USH2A: variants seen among roughly 807,000 people sequenced by gnomAD.
The protein encoded by USH2A is Usher syndrome 2A (autosomal recessive, mild).
USH2A carries 443 observed loss-of-function variants against 538.9 expected under a neutral mutation model. That is an observed-to-expected ratio of 0.82 (90% CI 0.76 to 0.89). USH2A has a LOEUF of 0.89. USH2A is among the 40% of genes least tolerant of loss of function. The probability of loss-of-function intolerance (pLI) is 0.00; values close to 1 mark genes in which losing one functional copy is unlikely to be tolerated. For synonymous variants in USH2A, 2,413 were observed against 2,273.5 expected, an observed-to-expected ratio of 1.06 and a Z score of -1.75; for missense variants, 6,633 against 6,324.8, an observed-to-expected ratio of 1.05 and a Z score of -1.65.
chr1:216,208,965 T>G (rs1572052691), intron 15 of USH2A, among the ~76,000 whole-genome samples: 1 of 152,162 alleles, frequency 6.6e-6, no homozygotes, highest in Non-Finnish European at 1.5e-5. Flanking sequence ...TTTACCCAAA[T>G]TTAAGACCCC....
chr1:215,906,788 G>A (rs11120695), intron 38 of USH2A, among the ~76,000 whole-genome samples: 1 of 151,914 alleles, frequency 6.6e-6, no homozygotes, highest in African/African-American at 2.4e-5. Context: ...GTAAAATGGA[G>A]AAGTCTTCAT....
At chr1:216,325,959 TGA>T (rs1409093235) in intron 5 of USH2A, among the ~76,000 whole-genome samples, 1 of 152,190 alleles carries the variant, frequency 6.6e-6, no homozygotes, top group Admixed American at 6.5e-5. Context: ...AACTAACTAC[TGA>T]GAGTGAACAA....
At chr1:216,406,058 G>A (rs979614757) in intron 3 of USH2A, among the ~76,000 whole-genome samples, 3 of 152,180 alleles carry the variant, frequency 2.0e-5, no homozygotes, top group African/African-American at 4.8e-5. Flanking sequence ...GGGAGACAGT[G>A]GGCATGGTTA....
At chr1:216,103,062 T>G (rs12092672) in intron 21 of USH2A, among the ~76,000 whole-genome samples, 28,111 of 152,170 alleles carry the variant, frequency 0.18, 3,004 homozygotes, top group African/African-American at 0.27. Context: ...TAAGAGATAC[T>G]AAGTACACAG....
At chr1:215,854,318 T>C (rs1664099120) in intron 44 of USH2A, among the ~76,000 whole-genome samples, 1 of 152,152 alleles carries the variant, frequency 6.6e-6, no homozygotes, top group South Asian at 2.1e-4. Flanking sequence ...TATCTCCCAC[T>C]GGGTCCCTCC....
intron 20 of USH2A, among the ~76,000 whole-genome samples, chr1:216,185,752 T>C (rs568379798): frequency 5.3e-4 from 80 of 152,092 alleles, no homozygotes; most frequent in African/African-American, 1.8e-3. Context: ...CTGGCTTTAT[T>C]ATAGGTCTGC....
chr1:215,798,936 TCTC>T lies in USH2A; in HGVS notation c.9926_9928del (p.Gly3309del), dbSNP rs1167671390. 6.2e-7 allele frequency: 1 copy of T among 1,614,022 alleles called. No homozygotes were observed. Among genetic ancestry groups the T allele is most frequent in the East Asian group, 2.2e-5 (1 of 44,860 alleles). ...AAGGCGATTGTACACCACTCCTTCT[TCTC>T]CACCACAACACTCTAAATCGTTGCT... On this transcript the variant is annotated inframe_deletion, in exon 50 of 72. Coordinates refer to ENST00000307340, the MANE Select transcript of USH2A (RefSeq NM_206933.4).
intron 38 of USH2A, among the ~76,000 whole-genome samples, chr1:215,925,701 G>A (rs564913398): frequency 1.3e-4 from 20 of 152,036 alleles, no homozygotes; most frequent in South Asian, 4.2e-4. Flanking sequence ...GCTAACCTAC[G>A]TTTATTTTTA....
intron 67 of USH2A, among the ~76,000 whole-genome samples, chr1:215,645,585 G>A (rs1376320860): frequency 4.6e-5 from 7 of 152,166 alleles, no homozygotes; most frequent in Non-Finnish European, 1.0e-4. Flanking sequence ...GAACAAACAA[G>A]TCCTCTGTAA....
chr1:216,264,350 T>A (rs1313829369), intron 11 of USH2A, among the ~76,000 whole-genome samples: 1 of 151,424 alleles, frequency 6.6e-6, no homozygotes, highest in African/African-American at 2.4e-5. Flanking sequence ...CAGGCTGGAG[T>A]GCAATGGCAC....
intron 3 of USH2A, among the ~76,000 whole-genome samples, chr1:216,396,058 T>A (rs1156916785): frequency 6.6e-6 from 1 of 152,182 alleles, no homozygotes; most frequent in Non-Finnish European, 1.5e-5. Flanking sequence ...GCAGTGACAG[T>A]ACATTCCTTA....
rs551628280 is a variant in USH2A, at chr1:215,847,482, A to G, written c.8846-1449T>C. Reference sequence around the variant, plus strand: ...AAACGTGGCAATACCCCATCTCTACATGAAACACAAAAACTAACCAGGTGT... The same window carrying G: ...AAACGTGGCAATACCCCATCTCTACGTGAAACACAAAAACTAACCAGGTGT... On this transcript the variant is annotated intron_variant, in intron 44 of 71. Transcript: ENST00000307340. 3.9e-5 allele frequency among the ~76,000 whole-genome samples: 6 copies of G among 151,986 alleles called. No homozygotes were observed. The South Asian group carries it at 1.2e-3, about 32-fold the overall frequency.
chr1:216,322,604 C>CA (rs202180946), intron 8 of USH2A, among the ~76,000 whole-genome samples: 12,386 of 72,478 alleles, frequency 0.17, 624 homozygotes, highest in Middle Eastern at 0.2. Context: ...AAAAGCCTGT[C>CA]AAAAAAAAAA....
Position 215,625,783 on chromosome 1 carries a change from A to G in USH2A, c.15607T>C (p.Ter5203GlnextTer8), listed in dbSNP as rs1223124190. ...TACGTCTTCTGGGTTTCCATCCTTT[A>G]CAGGTGGGTGTCTGTGAATGTGGTG... is the stretch of plus-strand genomic sequence containing the variant. ...ERTTFTDTHL[*>Q] is the part of the protein sequence containing the mutation. The change falls in exon 72 of 72, where the codon TAA becomes CAA. Residue 5203 changes from the stop codon to glutamine (Q), a stop_lost. Transcript: ENST00000307340. 6.2e-7 allele frequency: 1 copy of G among 1,614,064 alleles called. No individual in the cohort carries two copies. Among genetic ancestry groups the G allele is most frequent in the Non-Finnish European group, 8.5e-7 (1 of 1,179,960 alleles).
intron 33 of USH2A, among the ~76,000 whole-genome samples, chr1:215,999,403 A>G (rs886755606): frequency 6.6e-6 from 1 of 152,154 alleles, no homozygotes; most frequent in Non-Finnish European, 1.5e-5. Flanking sequence ...AGGGAATAAT[A>G]TAATTGTCCT....
At chr1:215,791,326 A>G (rs2102770998) in intron 50 of USH2A, among the ~76,000 whole-genome samples, 1 of 152,346 alleles carries the variant, frequency 6.6e-6, no homozygotes, top group Middle Eastern at 3.4e-3. Context: ...CTGATAACAT[A>G]AAGAACCTCA....
intron 61 of USH2A, among the ~76,000 whole-genome samples, chr1:215,701,490 A>G (rs955868299): frequency 2.0e-5 from 3 of 152,156 alleles, no homozygotes; most frequent in African/African-American, 7.2e-5. Context: ...TGCTTTATGA[A>G]TCTGGGTGCT....
At chr1:216,275,436 A>G (rs1453215109) in intron 11 of USH2A, among the ~76,000 whole-genome samples, 1 of 152,132 alleles carries the variant, frequency 6.6e-6, no homozygotes, top group African/African-American at 2.4e-5. Context: ...GTATAAAGAT[A>G]CACTTTCAGA....
chr1:215,888,938 G>A lies in USH2A; in HGVS notation c.7711C>T (p.His2571Tyr), dbSNP rs760181976. 3.7e-6 allele frequency: 6 copies of A among 1,614,064 alleles called. No individual in the cohort carries two copies. Among genetic ancestry groups the A allele is most frequent in the East Asian group, 2.2e-5 (1 of 44,884 alleles). ...GGAGTTCTCAAGTATAGACGGCCAT[G>A]TAGATAAATGTTATAATGGGTAATA... ...GVITHYNIYLHGRLYLRTPGN... is the reference protein window; with the variant it reads ...GVITHYNIYLYGRLYLRTPGN... The change falls in exon 41 of 72, where the codon CAT becomes TAT. Residue 2571 changes from histidine to tyrosine, a missense_variant. Coordinates refer to ENST00000307340, the MANE Select transcript of USH2A (RefSeq NM_206933.4).
Sources: gnomAD v4.1 joint callset for allele counts (sites outside exome capture counted in the v4.1 genomes callset) on GRCh38, gnomAD v4.1.1 for gene constraint, MANE v1.5 for transcripts, NCBI Gene and HGNC (gene_info 2026-07-23, HGNC 2026-07-21) for gene names.